Variants in LCLAT1 observed in about 807,000 individuals in gnomAD.
The protein encoded by LCLAT1 is lysocardiolipin acyltransferase 1, also known as 1-AGP acyltransferase 8.
A neutral mutation model predicts 30.7 loss-of-function variants in LCLAT1; 11 were observed. That is an observed-to-expected ratio of 0.36 (90% CI 0.23 to 0.59). LCLAT1 has a LOEUF of 0.59. Ranked by LOEUF, LCLAT1 falls within the 20% of genes least tolerant of loss-of-function variation. LCLAT1 has a pLI of 0.77. For missense variants in LCLAT1, 402 were observed against 458.6 expected (o/e 0.88, Z 1.13); for synonymous variants, 155 against 151.3 (o/e 1.02, Z -0.18).
At chr2:30,536,037 A>G (rs759710943) in intron 3 of LCLAT1, among the ~76,000 whole-genome samples, 2 of 152,100 alleles carry the variant, frequency 1.3e-5, no homozygotes, top group South Asian at 2.1e-4. Flanking sequence ...AAGAGCTTCA[A>G]CAATAAACTA....
intron 5 of LCLAT1, among the ~76,000 whole-genome samples, chr2:30,573,922 T>C (rs1275310438): frequency 6.6e-6 from 1 of 152,046 alleles, no homozygotes; most frequent in Non-Finnish European, 1.5e-5. Context: ...TAAATTTGTA[T>C]CATATAATAA....
At chr2:30,623,867 A>G (rs1260527182) in intron 5 of LCLAT1, among the ~76,000 whole-genome samples, 1 of 152,252 alleles carries the variant, frequency 6.6e-6, no homozygotes. Context: ...AGGCAAATGC[A>G]TCAGGAAACC....
intron 3 of LCLAT1, among the ~76,000 whole-genome samples, chr2:30,535,162 A>G (rs887520668): frequency 6.6e-6 from 1 of 152,100 alleles, no homozygotes; most frequent in Admixed American, 6.6e-5. Flanking sequence ...CTTCACCCTA[A>G]TTTAAAAAAA....
chr2:30,456,070 C>T (rs1181729888), intron 1 of LCLAT1, among the ~76,000 whole-genome samples: 1 of 152,054 alleles, frequency 6.6e-6, no homozygotes, highest in Non-Finnish European at 1.5e-5. Flanking sequence ...TATTCAATTT[C>T]TTTAACAGTT....
intron 4 of LCLAT1, among the ~76,000 whole-genome samples, 200 bp downstream of exon 4, chr2:30,562,492 G>A (rs902052587): frequency 2.0e-5 from 3 of 151,616 alleles, no homozygotes; most frequent in Non-Finnish European, 1.5e-5. Flanking sequence ...GCTACATAGC[G>A]AGACTTCATC....
chr2:30,486,422 A>G (rs2148319337), intron 1 of LCLAT1, among the ~76,000 whole-genome samples: 1 of 152,224 alleles, frequency 6.6e-6, no homozygotes, highest in South Asian at 2.1e-4. Context: ...ATTGGTTTTA[A>G]GTTTAGCGTT....
At chr2:30,510,742 A>C (rs1281559838) in intron 1 of LCLAT1, among the ~76,000 whole-genome samples, 1 of 151,848 alleles carries the variant, frequency 6.6e-6, no homozygotes, top group East Asian at 1.9e-4. Context: ...CCTTTCATAT[A>C]TTCTTTCTGC....
chr2:30,494,673 CTTT>C (rs577787239), intron 1 of LCLAT1, among the ~76,000 whole-genome samples: 1 of 143,934 alleles, frequency 6.9e-6, no homozygotes, highest in Admixed American at 7.0e-5. Context: ...CATTCTTTTA[CTTT>C]TTTTTTTTTT....
At chr2:30,535,964 TATC>T (rs961910433) in intron 3 of LCLAT1, among the ~76,000 whole-genome samples, 2 of 151,972 alleles carry the variant, frequency 1.3e-5, no homozygotes, top group African/African-American at 4.8e-5. Context: ...AAATGGTAGA[TATC>T]ATAAAAAAGA....
chr2:30,532,840 C>T (rs1686048096), intron 2 of LCLAT1, among the ~76,000 whole-genome samples: 1 of 151,706 alleles, frequency 6.6e-6, no homozygotes, highest in African/African-American at 2.4e-5. Context: ...TTGATATTCA[C>T]CTTTTATACT....
At chr2:30,620,931 C>T (rs949546876) in intron 5 of LCLAT1, among the ~76,000 whole-genome samples, 2 of 152,142 alleles carry the variant, frequency 1.3e-5, no homozygotes, top group African/African-American at 4.8e-5. Flanking sequence ...CACTGCATAA[C>T]TCCAACCTTT....
chr2:30,600,168 A>C (rs183898025), intron 5 of LCLAT1, among the ~76,000 whole-genome samples: 3 of 152,218 alleles, frequency 2.0e-5, no homozygotes, highest in Admixed American at 2.0e-4. Flanking sequence ...TCCTTTGCTT[A>C]TGAAGCTTAA....
chr2:30,635,800 T>C (rs1668996768), intron 5 of LCLAT1, among the ~76,000 whole-genome samples: 1 of 152,226 alleles, frequency 6.6e-6, no homozygotes, highest in African/African-American at 2.4e-5. Flanking sequence ...TTCACCAAAT[T>C]GTTAACACAA....
intron 5 of LCLAT1, among the ~76,000 whole-genome samples, chr2:30,588,527 A>C (rs1423470692): frequency 6.6e-6 from 1 of 152,162 alleles, no homozygotes; most frequent in Non-Finnish European, 1.5e-5. Flanking sequence ...CTGAGGCCTC[A>C]AACTCTCCTC....
intron 1 of LCLAT1, among the ~76,000 whole-genome samples, chr2:30,481,308 C>T (rs989087861): frequency 9.9e-5 from 15 of 152,180 alleles, no homozygotes; most frequent in Admixed American, 1.3e-4. Flanking sequence ...GTAGATGAAC[C>T]TGTGGGTCGG....
At chr2:30,552,675 CTTAACT>C (rs1664734894) in intron 3 of LCLAT1, 4 of 277,532 alleles carry the variant, frequency 1.4e-5, no homozygotes, top group Non-Finnish European at 3.0e-5. Context: ...ATAGATCTTC[CTTAACT>C]TTATCTATCC....
intron 1 of LCLAT1, among the ~76,000 whole-genome samples, chr2:30,473,333 C>G (rs1682890863): frequency 6.6e-6 from 1 of 152,074 alleles, no homozygotes; most frequent in South Asian, 2.1e-4. Context: ...TAAAAGGAAT[C>G]TGAATCTATT....
At position 30,525,621 on chromosome 2, in the gene LCLAT1, C is replaced by T; in HGVS notation, c.31C>T (p.Leu11=). 6.2e-7 allele frequency: 1 copy of T among 1,613,870 alleles called. No homozygotes were observed. The highest frequency in any genetic ancestry group is 1.1e-5 in the South Asian group (1 of 91,078). The change falls in exon 2 of 6, where the codon CTG becomes TTG. Residue 11 remains leucine, a synonymous_variant. Coordinates refer to ENST00000379509, the MANE Select transcript of LCLAT1 (RefSeq NM_001002257.3). ...GTCATGGAAAGGGATTTACTTTATA[C>T]TGACTCTGTTTTGGGGAAGCTTTTT... is the stretch of plus-strand genomic sequence containing the variant. The part of the protein sequence containing the change: MVSWKGIYFI[L]TLFWGSFFGS...
At chr2:30,496,457 G>A (rs1684122867) in intron 1 of LCLAT1, among the ~76,000 whole-genome samples, 1 of 152,114 alleles carries the variant, frequency 6.6e-6, no homozygotes, top group Non-Finnish European at 1.5e-5. Flanking sequence ...GTGGACATGT[G>A]GATATGTGTG....
Sources: allele counts gnomAD v4.1 joint callset (sites outside exome capture counted in the v4.1 genomes callset), GRCh38; gene constraint gnomAD v4.1.1; transcripts MANE v1.5; gene names NCBI Gene and HGNC (gene_info 2026-07-23, HGNC 2026-07-21).